The following RMST variants were observed in gnomAD, a reference collection of about 807,000 sequenced individuals.
RMST encodes long intergenic non-protein coding RNA 54.
chr12:97,503,708 G>C (rs1230785221), intron 10 of RMST, among the ~76,000 whole-genome samples: 4 of 152,166 alleles, frequency 2.6e-5, no homozygotes, highest in Admixed American at 2.0e-4. Flanking sequence ...GTAAATGTCA[G>C]CTAAAGTGTG....
chr12:97,512,231 T>C (rs995485611), intron 10 of RMST, among the ~76,000 whole-genome samples: 4 of 152,158 alleles, frequency 2.6e-5, no homozygotes, highest in African/African-American at 9.7e-5. Context: ...GGTGGGTTCA[T>C]GGTCCCGCTG....
At chr12:97,552,842 A>G (rs958751855) in intron 11 of RMST, among the ~76,000 whole-genome samples, 1 of 152,308 alleles carries the variant, frequency 6.6e-6, no homozygotes, top group East Asian at 1.9e-4. Context: ...CTTTGTTAGT[A>G]GAAGAGTTTG....
chr12:97,520,262 G>A (rs1880376360), intron 10 of RMST, among the ~76,000 whole-genome samples: 1 of 152,192 alleles, frequency 6.6e-6, no homozygotes, highest in South Asian at 2.1e-4. Flanking sequence ...AGCTTCCAAA[G>A]TGTCTTTACA....
chr12:97,524,167 C>T (rs1880857277), intron 10 of RMST, among the ~76,000 whole-genome samples: 1 of 147,148 alleles, frequency 6.8e-6, no homozygotes, highest in African/African-American at 2.5e-5. Context: ...CTTTCTGTAA[C>T]ATCCGTGGTG....
intron 5 of RMST, among the ~76,000 whole-genome samples, chr12:97,490,452 A>T (rs1258173337): frequency 6.6e-6 from 1 of 152,176 alleles, no homozygotes; most frequent in Non-Finnish European, 1.5e-5. Flanking sequence ...GTCATCTGTT[A>T]AATTGGGCTA....
At chr12:97,563,762 T>A (rs764871388) in intron 13 of RMST, 1 of 473,708 alleles carries the variant, frequency 2.1e-6, no homozygotes, top group South Asian at 1.5e-5. Flanking sequence ...TTGGTTAGCT[T>A]TGAAATGGTT....
At chr12:97,553,111 C>G (rs748491158) in intron 11 of RMST, among the ~76,000 whole-genome samples, 1 of 152,150 alleles carries the variant, frequency 6.6e-6, no homozygotes, top group Non-Finnish European at 1.5e-5. Flanking sequence ...CCAGTTGAAA[C>G]ATGACTGTAT....
chr12:97,512,379 C>T lies in RMST; in HGVS notation n.1340+16323C>T, dbSNP rs963790991. On this transcript the variant is annotated intron_variant and non_coding_transcript_variant, in intron 10 of 13. Transcript: ENST00000640149. ...CCACAGCGTGTAAGGGGACCCGAGC[C>T]GGTTAACACTGCTGGCTCCGGCAGC... 2.0e-5 allele frequency among the ~76,000 whole-genome samples: 3 copies of T among 152,124 alleles called. 1 individual carries two copies. Among genetic ancestry groups the T allele is most frequent in the South Asian group, 4.2e-4 (2 of 4,810 alleles).
intron 11 of RMST, chr12:97,532,658 T>TTTTTTG (rs1881760964): frequency 6.7e-6 from 1 of 150,136 alleles, no homozygotes; most frequent in African/African-American, 2.4e-5. Context: ...TTTTTTTTTT[T>TTTTTTG]TTTTTTTTTT....
intron 5 of RMST, among the ~76,000 whole-genome samples, chr12:97,480,099 C>CTTTT (rs1436629092): frequency 6.9e-6 from 1 of 145,180 alleles, no homozygotes; most frequent in Non-Finnish European, 1.5e-5. Context: ...CTTTTTTTTT[C>CTTTT]TTTTTTTTTG....
At chr12:97,481,351 C>A (rs1159202750) in intron 5 of RMST, among the ~76,000 whole-genome samples, 2 of 152,050 alleles carry the variant, frequency 1.3e-5, no homozygotes, top group African/African-American at 4.8e-5. Flanking sequence ...TTTTCTGTTT[C>A]CAGAACAATC....
chr12:97,484,773 T>C (rs1165331202), intron 5 of RMST, among the ~76,000 whole-genome samples: 1 of 152,208 alleles, frequency 6.6e-6, no homozygotes, highest in African/African-American at 2.4e-5. Flanking sequence ...ATAATTATAA[T>C]AATACCTTAG....
Position 97,468,979 on chromosome 12 carries a change from C to G in RMST, n.644+3252C>G, listed in dbSNP as rs192078119. ...GATTTTGTAGATTATGGGAATCTTA[C>G]TAGTGATTTATACATCATCATGAAT... On this transcript the variant is annotated intron_variant and non_coding_transcript_variant, in intron 5 of 13. Transcript: ENST00000640149. 8.1e-3 allele frequency among the ~76,000 whole-genome samples: 1,236 copies of G among 151,886 alleles called. 12 individuals are homozygous for G. Among genetic ancestry groups the G allele is most frequent in the Non-Finnish European group, 0.015 (1,011 of 67,900 alleles).
intron 5 of RMST, among the ~76,000 whole-genome samples, chr12:97,467,119 A>G (rs992042894): frequency 1.7e-4 from 26 of 152,140 alleles, no homozygotes; most frequent in African/African-American, 6.3e-4. Context: ...TATATTTTAA[A>G]ATTTAAAATT....
At chr12:97,512,372 C>A (rs180951120) in intron 10 of RMST, among the ~76,000 whole-genome samples, 1 of 152,140 alleles carries the variant, frequency 6.6e-6, no homozygotes, top group Non-Finnish European at 1.5e-5. Flanking sequence ...TGTAAGGGGA[C>A]CCGAGCCGGT....
intron 10 of RMST, chr12:97,496,095 T>A (rs915139909): frequency 3.3e-5 from 5 of 152,218 alleles, no homozygotes; most frequent in Admixed American, 1.3e-4. Flanking sequence ...ACTTTGTTTC[T>A]TCAGGTTCTC....
chr12:97,474,872 T>C (rs952786845), intron 5 of RMST, among the ~76,000 whole-genome samples: 2 of 152,160 alleles, frequency 1.3e-5, no homozygotes, highest in African/African-American at 4.8e-5. Flanking sequence ...AGAGTAGGCA[T>C]ACTCACTTTG....
At chr12:97,472,887 T>C (rs1874096203) in intron 5 of RMST, among the ~76,000 whole-genome samples, 2 of 152,108 alleles carry the variant, frequency 1.3e-5, no homozygotes, top group African/African-American at 4.8e-5. Flanking sequence ...ACTCAATCAT[T>C]CAATTGGCTT....
rs532052510 is a variant in RMST, at chr12:97,476,153, T to A, written n.644+10426T>A. Reference sequence around the variant, plus strand: ...CAATTTTTATACCTTAGATGAAGAGTGGATGCCATTTGCAGAAGAGCTTGA... The same window carrying A: ...CAATTTTTATACCTTAGATGAAGAGAGGATGCCATTTGCAGAAGAGCTTGA... On this transcript the variant is annotated intron_variant and non_coding_transcript_variant, in intron 5 of 13. Coordinates refer to ENST00000640149, the Ensembl canonical transcript of RMST. Among the ~76,000 whole-genome samples the A allele has an allele frequency of 4.6e-5, 7 of 152,188 alleles. No individual in the cohort carries two copies. In the East Asian group the frequency reaches 1.4e-3, roughly 29 times the overall value.
Sources: allele counts gnomAD v4.1 joint callset (sites outside exome capture counted in the v4.1 genomes callset), GRCh38; gene constraint gnomAD v4.1.1; transcripts MANE v1.5; gene names NCBI Gene and HGNC (gene_info 2026-07-23, HGNC 2026-07-21).